The following NEURL1 variants were observed in gnomAD, a reference collection of about 807,000 sequenced individuals.
The protein encoded by NEURL1 is neuralized E3 ubiquitin protein ligase 1.
NEURL1 carries 26 observed loss-of-function variants against 41.2 expected under a neutral mutation model. The ratio of observed to expected loss-of-function variants is 0.63; its 90% CI spans 0.46 to 0.87. The LOEUF is 0.87. NEURL1 is among the 40% of genes least tolerant of loss of function. NEURL1 has a pLI of 0.00. For missense variants in NEURL1, 761 were observed against 871.1 expected (o/e 0.87, Z 1.59); for synonymous variants, 400 against 402.3 (o/e 0.99, Z 0.07).
At chr10:103,521,241 C>T (rs531721564) in intron 1 of NEURL1, among the ~76,000 whole-genome samples, 47 of 152,204 alleles carry the variant, frequency 3.1e-4, no homozygotes, top group African/African-American at 9.6e-4. Flanking sequence ...AATAAAGGGC[C>T]GGTCCGTTAT....
At chr10:103,570,625 AG>A (rs1297051802) in intron 1 of NEURL1, among the ~76,000 whole-genome samples, 1 of 122,946 alleles carries the variant, frequency 8.1e-6, no homozygotes, top group Non-Finnish European at 1.7e-5. Flanking sequence ...TGGGGGTGGG[AG>A]GTGATGGAGA....
In NEURL1 at chr10:103,562,444, CA is replaced by C. The variant is rs1290435850; in HGVS notation, c.86-8427del. Among the ~76,000 whole-genome samples, 10 of 152,292 alleles carry C rather than the reference CA, an allele frequency of 6.6e-5. No individual in the cohort carries two copies. In the East Asian group the frequency reaches 9.6e-4, roughly 15 times the overall value. On this transcript the variant is annotated intron_variant, in intron 1 of 5. Transcript: ENST00000369780. The stretch of plus-strand genomic sequence containing the variant: ...TGCCCTAGGGAGGCTCACAGTCCAT[CA>C]GGGGGAAAGACAGGCACAAATAACC...
intron 3 of NEURL1, among the ~76,000 whole-genome samples, chr10:103,576,072 A>C (rs1194699017): frequency 6.6e-6 from 1 of 152,208 alleles, no homozygotes; most frequent in Non-Finnish European, 1.5e-5. Flanking sequence ...GAAGAATCAA[A>C]AACCCAGCCC....
At chr10:103,589,832 A>T (rs2036001050) in intron 5 of NEURL1, among the ~76,000 whole-genome samples, 172 bp downstream of exon 5, 1 of 152,182 alleles carries the variant, frequency 6.6e-6, no homozygotes, top group African/African-American at 2.4e-5. Context: ...GGCAGTGCCA[A>T]AGGGTAGCTC....
chr10:103,547,577 A>G (rs1261076515), intron 1 of NEURL1, among the ~76,000 whole-genome samples: 1 of 152,222 alleles, frequency 6.6e-6, no homozygotes, highest in Non-Finnish European at 1.5e-5. Context: ...CAGAATCCCC[A>G]GAGGAAGGAG....
At chr10:103,589,807 C>T (rs1348572833) in intron 5 of NEURL1, 147 bp downstream of exon 5, 1 of 1,139,240 alleles carries the variant, frequency 8.8e-7, no homozygotes, top group Non-Finnish European at 1.2e-6. Flanking sequence ...GTCATCCCCT[C>T]CTGTCCCCTA....
chr10:103,546,658 G>T (rs1160007154), intron 1 of NEURL1, among the ~76,000 whole-genome samples: 1 of 152,254 alleles, frequency 6.6e-6, no homozygotes, highest in Admixed American at 6.5e-5. Flanking sequence ...CCTTCTGGGG[G>T]CCCAGAGCAG....
chr10:103,559,067 G>A (rs1592221863), intron 1 of NEURL1, among the ~76,000 whole-genome samples: 3 of 152,224 alleles, frequency 2.0e-5, no homozygotes, highest in African/African-American at 7.2e-5. Flanking sequence ...CACAGCTGGC[G>A]CCTCAGTGGG....
intron 1 of NEURL1, among the ~76,000 whole-genome samples, chr10:103,495,999 T>C (rs1360839907): frequency 6.6e-6 from 1 of 152,010 alleles, no homozygotes; most frequent in Non-Finnish European, 1.5e-5. Flanking sequence ...TCCCAGCTAC[T>C]TGGGAGGCAG....
intron 1 of NEURL1, among the ~76,000 whole-genome samples, chr10:103,512,455 C>G (rs1005684202): frequency 2.0e-5 from 3 of 152,180 alleles, no homozygotes; most frequent in African/African-American, 7.2e-5. Context: ...AGATAGGTGA[C>G]CTTGGGCAGG....
At chr10:103,503,087 CT>C (rs2033861305) in intron 1 of NEURL1, among the ~76,000 whole-genome samples, 1 of 152,240 alleles carries the variant, frequency 6.6e-6, no homozygotes, top group Non-Finnish European at 1.5e-5. Flanking sequence ...ATAGCCTGGG[CT>C]GCCTTTTGGC....
chr10:103,566,455 G>A lies in NEURL1; in HGVS notation c.86-4417G>A, dbSNP rs907210635. Reference sequence around the variant, plus strand: ...TCCAAAATATCATACGGATGGAATCGTACAGCATACAGCCCTTTGCATCTG... The same window carrying A: ...TCCAAAATATCATACGGATGGAATCATACAGCATACAGCCCTTTGCATCTG... On this transcript the variant is annotated intron_variant, in intron 1 of 5. Transcript: ENST00000369780. This position sits in a 1 kb window ranked among gnomAD's most constrained non-coding sequence, Gnocchi z 4.2. Among the ~76,000 whole-genome samples, 3 of 152,020 alleles carry A rather than the reference G, an allele frequency of 2.0e-5. No homozygotes were observed. Among genetic ancestry groups the A allele is most frequent in the East Asian group, 1.9e-4 (1 of 5,196 alleles).
chr10:103,528,759 A>G (rs1419532828), intron 1 of NEURL1, among the ~76,000 whole-genome samples: 1 of 152,212 alleles, frequency 6.6e-6, no homozygotes, highest in East Asian at 1.9e-4. Context: ...CTAAATGATA[A>G]GTTTAGTTTG....
intron 3 of NEURL1, among the ~76,000 whole-genome samples, chr10:103,575,530 AAGC>A (rs1356780982): frequency 1.3e-5 from 2 of 152,198 alleles, no homozygotes; most frequent in African/African-American, 2.4e-5. Flanking sequence ...CATAGTAGGT[AAGC>A]AGGTCAGGCC....
intron 1 of NEURL1, among the ~76,000 whole-genome samples, chr10:103,559,413 T>C (rs2035233153): frequency 1.3e-5 from 2 of 148,554 alleles, no homozygotes; most frequent in African/African-American, 2.5e-5. Context: ...CGGGGAAGAG[T>C]GTGGGGTGGA....
At position 103,584,531 on chromosome 10, in the gene NEURL1, C is replaced by G. The variant is rs1218189473; in HGVS notation, c.650-5C>G. 4.4e-6 allele frequency: 6 copies of G among 1,359,220 alleles called. No individual in the cohort carries two copies. The highest frequency in any genetic ancestry group is 7.5e-5 in the Admixed American group (2 of 26,640). 84.2% of individuals were successfully genotyped at this position (1,359,220 alleles called of 1,614,324 possible). A position where few individuals can be genotyped will look rare whatever the true frequency, so the allele number is the denominator to read the frequency against. ...GCGTGACACTGCCCCGTGTCTCCCG[C>G]GCAGATAGCGAGCTGGTGCTCCCGG... On this transcript the variant is annotated splice_region_variant and splice_polypyrimidine_tract_variant and intron_variant, in intron 3 of 5. Transcript: ENST00000369780.
At chr10:103,516,542 A>C (rs1408381403) in intron 1 of NEURL1, among the ~76,000 whole-genome samples, 1 of 152,110 alleles carries the variant, frequency 6.6e-6, no homozygotes, top group Non-Finnish European at 1.5e-5. Flanking sequence ...ATGAGTTGTC[A>C]GCAGTGGGTG....
chr10:103,589,482 T>A, intron 4 of NEURL1, 32 bp from the exon 5 acceptor site: 1 of 1,560,456 alleles, frequency 6.4e-7, no homozygotes, highest in Non-Finnish European at 8.7e-7. Context: ...GGCAGGCAGC[T>A]AGTGTGTCCT....
chr10:103,518,687 A>G (rs1649828233), intron 1 of NEURL1, among the ~76,000 whole-genome samples: 1 of 152,190 alleles, frequency 6.6e-6, no homozygotes, highest in South Asian at 2.1e-4. Flanking sequence ...TGAGCAGTGC[A>G]GGTATCTTGG....
Sources: gnomAD v4.1 joint callset for allele counts (sites outside exome capture counted in the v4.1 genomes callset) on GRCh38, gnomAD v4.1.1 for gene constraint, Gnocchi (gnomAD v3.1) non-coding constraint, MANE v1.5 for transcripts, NCBI Gene and HGNC (gene_info 2026-07-23, HGNC 2026-07-21) for gene names.